ADAMTS9: variants seen among roughly 807,000 people sequenced by gnomAD.
ADAMTS9 encodes the protein A disintegrin and metalloproteinase with thrombospondin motifs 9.
In ADAMTS9, 107 loss-of-function variants were observed where a neutral mutation model predicts 257.1. That is an observed-to-expected ratio of 0.42 (90% CI 0.36 to 0.49). The LOEUF is 0.49. Among genes scored for constraint, ADAMTS9 ranks in the 20% least tolerant of loss-of-function variants. ADAMTS9 has a pLI of 0.03. For missense variants in ADAMTS9, 2,353 were observed against 2,469.1 expected, an observed-to-expected ratio of 0.95 and a Z score of 1.00; for synonymous variants, 982 against 880.9, an observed-to-expected ratio of 1.11 and a Z score of -2.03.
chr3:64,619,056 G>T (rs1700037170), intron 19 of ADAMTS9, among the ~76,000 whole-genome samples: 1 of 152,102 alleles, frequency 6.6e-6, no homozygotes. Context: ...TCAAATTGGT[G>T]CTCCATGGGT....
intron 28 of ADAMTS9, among the ~76,000 whole-genome samples, chr3:64,580,154 G>C (rs888142304): frequency 2.0e-5 from 3 of 152,094 alleles, no homozygotes; most frequent in Non-Finnish European, 4.4e-5. Flanking sequence ...ACAATGAAAT[G>C]CAATACTCAA....
At position 64,516,576 on chromosome 3, in the gene ADAMTS9, CAT is replaced by C. The variant is rs1163393874; in HGVS notation, c.*549_*550del. On this transcript the variant is annotated 3_prime_UTR_variant, in exon 40 of 40. Transcript: ENST00000498707. Reference sequence around the variant, plus strand: ...CAGCATATTTTTTTCCCAGAGATCACATGAAACTGAATACTTATTTAACATAG... The same window carrying C: ...CAGCATATTTTTTTCCCAGAGATCACGAAACTGAATACTTATTTAACATAG... 1 of 152,556 alleles carries C rather than the reference CAT, an allele frequency of 6.6e-6. No individual in the cohort carries two copies. Among genetic ancestry groups the C allele is most frequent in the Non-Finnish European group, 1.5e-5 (1 of 68,026 alleles). The allele number at this position is 152,556 out of a possible 1,614,324, so 9.5% of individuals were successfully genotyped here.
chr3:64,564,706 C>A (rs539269715), intron 29 of ADAMTS9, among the ~76,000 whole-genome samples: 1 of 151,890 alleles, frequency 6.6e-6, no homozygotes, highest in Non-Finnish European at 1.5e-5. Flanking sequence ...TTATTCCCCC[C>A]CAACTTGTGA....
intron 28 of ADAMTS9, among the ~76,000 whole-genome samples, chr3:64,585,175 T>C (rs370253206): frequency 2.6e-5 from 4 of 152,296 alleles, no homozygotes; most frequent in Admixed American, 6.5e-5. Flanking sequence ...GAAACAGGTT[T>C]TTCACTTAAA....
At chr3:64,567,797 A>G (rs952801570) in intron 29 of ADAMTS9, among the ~76,000 whole-genome samples, 3 of 151,934 alleles carry the variant, frequency 2.0e-5, no homozygotes, top group African/African-American at 7.3e-5. Context: ...CTGGGCATTC[A>G]TGATTGCATT....
intron 37 of ADAMTS9, among the ~76,000 whole-genome samples, chr3:64,533,993 C>T (rs1011609453): frequency 1.8e-4 from 28 of 152,210 alleles, no homozygotes; most frequent in Non-Finnish European, 2.4e-4. Context: ...AATTGTCTCT[C>T]TCACTCTCTC....
At chr3:64,660,935 A>G (rs765665301) in intron 3 of ADAMTS9, among the ~76,000 whole-genome samples, 1 of 152,202 alleles carries the variant, frequency 6.6e-6, no homozygotes, top group African/African-American at 2.4e-5. Flanking sequence ...CGCACCTCAA[A>G]CTGCAAAAGT....
At chr3:64,529,330 C>A (rs77512286) in intron 38 of ADAMTS9, among the ~76,000 whole-genome samples, 9 of 152,130 alleles carry the variant, frequency 5.9e-5, no homozygotes, top group Middle Eastern at 3.2e-3. Context: ...TACTGGAGAT[C>A]TAGTTTTACC....
intron 16 of ADAMTS9, among the ~76,000 whole-genome samples, chr3:64,623,858 T>A (rs1700165250): frequency 6.6e-6 from 1 of 152,108 alleles, no homozygotes; most frequent in Non-Finnish European, 1.5e-5. Flanking sequence ...TAAATATGTA[T>A]CTTCGGGGAA....
intron 30 of ADAMTS9, among the ~76,000 whole-genome samples, chr3:64,556,714 T>TTCCTTCCTTCC (rs2083339016): frequency 7.2e-6 from 1 of 138,106 alleles, no homozygotes; most frequent in Non-Finnish European, 1.6e-5. Context: ...TCTATGTTTT[T>TTCCTTCCTTCC]TTCCTTCCTT....
intron 29 of ADAMTS9, 75 bp downstream of exon 29, chr3:64,568,293 C>T (rs1450958882): frequency 6.6e-7 from 1 of 1,507,238 alleles, no homozygotes. Context: ...TGCATAGAAA[C>T]ACAAGTGAAC....
Position 64,522,920 on chromosome 3 carries a change from T to C in ADAMTS9, c.5719-660A>G, listed in dbSNP as rs1369666698. 3.3e-5 allele frequency among the ~76,000 whole-genome samples: 5 copies of C among 152,320 alleles called. No individual in the cohort carries two copies. The South Asian group carries it at 1.0e-3, about 32-fold the overall frequency. On this transcript the variant is annotated intron_variant, in intron 38 of 39. Coordinates refer to ENST00000498707, the MANE Select transcript of ADAMTS9 (RefSeq NM_182920.2). The stretch of plus-strand genomic sequence containing the variant: ...TTGTGATTATTATGAAATGACACTA[T>C]AGCTGTGCTAAAAGAATACAATATA...
intron 3 of ADAMTS9, among the ~76,000 whole-genome samples, chr3:64,659,065 T>C (rs1701159356): frequency 6.6e-6 from 1 of 152,224 alleles, no homozygotes; most frequent in African/African-American, 2.4e-5. Flanking sequence ...GTGATTCTTA[T>C]TCATTTGTTA....
chr3:64,611,935 T>C (rs909880735), intron 22 of ADAMTS9, among the ~76,000 whole-genome samples: 1 of 152,234 alleles, frequency 6.6e-6, no homozygotes, highest in Non-Finnish European at 1.5e-5. Context: ...TTTGTTCGCT[T>C]TAAAATGGTT....
In ADAMTS9 at chr3:64,561,583, G is replaced by T. The variant is rs751901830; in HGVS notation, c.4693C>A (p.Gln1565Lys). 10 of 1,612,808 alleles carry T rather than the reference G, an allele frequency of 6.2e-6. No homozygotes were observed. The Admixed American group carries it at 1.7e-4, about 27-fold the overall frequency. Residue 1565 changes from glutamine to lysine, a missense_variant, in exon 30 of 40, where the codon CAA becomes AAA. Transcript: ENST00000498707. ...CCCTTTGTGGCTCTACTTACTTCTT[G>T]CCATTCCTCTGCCCTCCAAGTGTAG... ...PLYTWRAEEW[Q>K]ECTKTCGEGS... is the part of the protein sequence containing the mutation.
chr3:64,555,853 G>A (rs72885579), intron 30 of ADAMTS9, among the ~76,000 whole-genome samples: 4,530 of 152,136 alleles, frequency 0.03, 213 homozygotes, highest in African/African-American at 0.1. Context: ...AGCATTTTGG[G>A]GTTTTCAGAG....
intron 4 of ADAMTS9, among the ~76,000 whole-genome samples, chr3:64,656,744 C>T (rs1013962277): frequency 3.3e-5 from 5 of 151,222 alleles, no homozygotes; most frequent in Non-Finnish European, 4.4e-5. Flanking sequence ...TGGGACTGAG[C>T]GGCATGTGGG....
chr3:64,549,513 G>T (rs1163805136), intron 31 of ADAMTS9, among the ~76,000 whole-genome samples: 1 of 152,178 alleles, frequency 6.6e-6, no homozygotes, highest in South Asian at 2.1e-4. Flanking sequence ...TTCCTGGCTG[G>T]CCAAGAGCAA....
chr3:64,653,021 T>A (rs1021709254), intron 8 of ADAMTS9, among the ~76,000 whole-genome samples: 9 of 152,316 alleles, frequency 5.9e-5, no homozygotes, highest in Non-Finnish European at 1.3e-4. Flanking sequence ...TTGAGTCCCA[T>A]CCCCAAGATA....
Sources: gnomAD v4.1 joint callset for allele counts (sites outside exome capture counted in the v4.1 genomes callset) on GRCh38, gnomAD v4.1.1 for gene constraint, MANE v1.5 for transcripts, NCBI Gene and HGNC (gene_info 2026-07-23, HGNC 2026-07-21) for gene names.